Variants in SPRR2F observed in about 807,000 individuals in gnomAD.
The protein encoded by SPRR2F is small proline-rich protein 2F.
SPRR2F carries 2 observed loss-of-function variants against 0.8 expected under a neutral mutation model. That is an observed-to-expected ratio of 2.52 (90% CI 1.03 to 7.95). The LOEUF is 7.95. Among genes scored for constraint, SPRR2F ranks in the 30% most tolerant of loss-of-function variants. The probability of loss-of-function intolerance (pLI) is 0.04; values close to 1 mark genes in which losing one functional copy is unlikely to be tolerated. For missense variants in SPRR2F, 80 were observed against 85.8 expected (o/e 0.93, Z 0.27); for synonymous variants, 39 against 33.4 (o/e 1.17, Z -0.58).
Position 153,112,598 on chromosome 1 carries a change from G to T in SPRR2F, c.136C>A (p.Pro46Thr), listed in dbSNP as rs377159353. The T allele has an allele frequency of 1.1e-5, 18 of 1,612,752 alleles. No homozygotes were observed. In the African/African-American group the frequency reaches 2.1e-4, roughly 19 times the overall value. ...CATTTCTGCTGGCACTGCTGAGGTG[G>T]GCAGGACTGTGGACACTTTGATGGT... ...CPPSKCPQSC[P>T]PQQCQQKCPP... is the part of the protein sequence containing the mutation. Residue 46 changes from proline (P) to threonine (T), a missense_variant, in exon 2 of 2, where the codon CCA becomes ACA. Physicochemically the swap from Pro to Thr is conservative, Grantham distance 38. Coordinates refer to ENST00000468739, the MANE Select transcript of SPRR2F (RefSeq NM_001014450.3).
chr1:153,114,821 TC>T (rs543824400), upstream of SPRR2F, among the ~76,000 whole-genome samples: 26 of 152,328 alleles, frequency 1.7e-4, no homozygotes, highest in Admixed American at 1.2e-3. Flanking sequence ...CTCTTTCATA[TC>T]TTTTGTAAAC....
upstream of SPRR2F, among the ~76,000 whole-genome samples, chr1:153,116,415 T>G (rs1655722800): frequency 6.6e-6 from 1 of 152,222 alleles, no homozygotes; most frequent in Non-Finnish European, 1.5e-5. Flanking sequence ...TATTTTCCTT[T>G]TCAAAATATT....
At chr1:153,115,551 C>T (rs1314438735), upstream of SPRR2F, among the ~76,000 whole-genome samples, 1 of 152,060 alleles carries the variant, frequency 6.6e-6, no homozygotes, top group African/African-American at 2.4e-5. Flanking sequence ...TACAAGTGAA[C>T]TTGAAATTCA....
At chr1:153,117,428 G>A (rs1365421448), upstream of SPRR2F, among the ~76,000 whole-genome samples, 1 of 151,970 alleles carries the variant, frequency 6.6e-6, no homozygotes, top group Non-Finnish European at 1.5e-5. Context: ...TTAGCATTCT[G>A]TATAAAAATA....
At chr1:153,115,065 C>T (rs1036564387), upstream of SPRR2F, among the ~76,000 whole-genome samples, 3 of 152,104 alleles carry the variant, frequency 2.0e-5, no homozygotes, top group Admixed American at 2.0e-4. Context: ...CATCACATCC[C>T]TCAGTTAAGC....
chr1:153,117,845 A>C (rs12036590), upstream of SPRR2F, among the ~76,000 whole-genome samples: 7,999 of 152,156 alleles, frequency 0.053, 656 homozygotes, highest in East Asian at 0.36. Context: ...AAAATAAATA[A>C]AGGAAAGCAA....
At chr1:153,118,841 T>C in the SPRR2F span, among the ~76,000 whole-genome samples, 8 of 152,338 alleles carry the variant, frequency 5.3e-5, no homozygotes, top group African/African-American at 1.9e-4. Flanking sequence ...TTTTAGCTTG[T>C]AACTCCACTT....
upstream of SPRR2F, among the ~76,000 whole-genome samples, chr1:153,113,990 A>G (rs1435509898): frequency 8.1e-6 from 1 of 123,588 alleles, no homozygotes; most frequent in African/African-American, 3.4e-5. Context: ...TTCTGGTCCC[A>G]GATTTTTTTT....
chr1:153,116,585 T>C (rs1655725776), upstream of SPRR2F, among the ~76,000 whole-genome samples: 1 of 152,164 alleles, frequency 6.6e-6, no homozygotes, highest in African/African-American at 2.4e-5. Context: ...TGAGTAGGAA[T>C]TGTTTTATTA....
chr1:153,115,188 G>T (rs1156762453), upstream of SPRR2F, among the ~76,000 whole-genome samples: 1 of 152,130 alleles, frequency 6.6e-6, no homozygotes, highest in African/African-American at 2.4e-5. Context: ...GCACCTTAAG[G>T]CCAGGTATTT....
At chr1:153,112,832 A>G in intron 1 of SPRR2F, 80 bp from the exon 2 acceptor site, 1 of 1,572,834 alleles carries the variant, frequency 6.4e-7, no homozygotes, top group Non-Finnish European at 8.6e-7. Context: ...ATACCATGGC[A>G]TATTATTTCT....
intron 1 of SPRR2F, among the ~76,000 whole-genome samples, chr1:153,113,233 A>AT (rs1482675735): frequency 6.6e-6 from 1 of 152,156 alleles, no homozygotes; most frequent in African/African-American, 2.4e-5. Flanking sequence ...ATACTTTGTT[A>AT]TTTTTTCTTC....
chr1:153,115,396 C>G (rs1183003022), upstream of SPRR2F, among the ~76,000 whole-genome samples: 3 of 152,246 alleles, frequency 2.0e-5, no homozygotes, highest in Non-Finnish European at 2.9e-5. Flanking sequence ...CAAATGAGAT[C>G]ACTGTGTAAG....
Position 153,112,763 on chromosome 1 carries a change from T to C in SPRR2F, c.-19-11A>G, listed in dbSNP as rs1655629370. ...CTGGAGTCTCAGAATCTGAAAGAAA[T>C]TATATGACAGTGTTCACGGGAAGGG... is the stretch of plus-strand genomic sequence containing the variant. On this transcript the variant is annotated splice_polypyrimidine_tract_variant and intron_variant, in intron 1 of 1. Coordinates refer to ENST00000468739, the MANE Select transcript of SPRR2F (RefSeq NM_001014450.3). 3.1e-6 allele frequency: 5 copies of C among 1,610,420 alleles called. No homozygotes were observed. In the African/African-American group the frequency reaches 4.0e-5, roughly 13 times the overall value.
upstream of SPRR2F, among the ~76,000 whole-genome samples, chr1:153,116,367 T>C (rs1262038396): frequency 6.6e-6 from 1 of 152,202 alleles, no homozygotes; most frequent in East Asian, 1.9e-4. Context: ...AATGTGATTC[T>C]GTTTGGTTGG....
upstream of SPRR2F, among the ~76,000 whole-genome samples, chr1:153,117,392 T>C (rs1287769229): frequency 6.6e-6 from 1 of 152,056 alleles, no homozygotes; most frequent in Non-Finnish European, 1.5e-5. Context: ...CTGTGTTAGT[T>C]TGCAGAAAAT....
chr1:153,115,862 T>G (rs1463050663), upstream of SPRR2F, among the ~76,000 whole-genome samples: 1 of 152,174 alleles, frequency 6.6e-6, no homozygotes, highest in East Asian at 1.9e-4. Context: ...CTACTTTTAC[T>G]CCATAATTTT....
upstream of SPRR2F, among the ~76,000 whole-genome samples, chr1:153,114,625 C>T (rs757136400): frequency 6.6e-6 from 1 of 152,128 alleles, no homozygotes; most frequent in Non-Finnish European, 1.5e-5. Flanking sequence ...TGTTTCTAAA[C>T]AGGTTTTAGG....
Position 153,112,447 on chromosome 1 carries a change from G to C in SPRR2F, c.*68C>G, listed in dbSNP as rs1415806971. 15 of 1,560,972 alleles carry C rather than the reference G, an allele frequency of 9.6e-6. No individual in the cohort carries two copies. Among genetic ancestry groups the C allele is most frequent in the East Asian group, 2.2e-5 (1 of 44,494 alleles). ...GGATGGCTTTGATGAGAAGATGCAG[G>C]TGGAGCTGTGGAACGAGGTGAGCCA... On this transcript the variant is annotated 3_prime_UTR_variant, in exon 2 of 2. Transcript: ENST00000468739.
Sources: gnomAD v4.1 joint callset for allele counts (sites outside exome capture counted in the v4.1 genomes callset) on GRCh38, gnomAD v4.1.1 for gene constraint, MANE v1.5 for transcripts, NCBI Gene and HGNC (gene_info 2026-07-23, HGNC 2026-07-21) for gene names.